Variants in STK3 observed in about 807,000 individuals in gnomAD.
STK3 encodes the protein serine/threonine kinase 3, also known as serine/threonine-protein kinase 3.
STK3 carries 41 observed loss-of-function variants against 58.0 expected under a neutral mutation model. That is an observed-to-expected ratio of 0.71 (90% CI 0.55 to 0.92). The LOEUF (loss-of-function observed/expected upper bound fraction) is 0.92. Ranked by LOEUF, STK3 falls within the 40% of genes least tolerant of loss-of-function variation. STK3 has a pLI of 0.00. For synonymous variants in STK3, 170 were observed against 191.0 expected (o/e 0.89, Z 0.91); for missense variants, 479 against 602.7 (o/e 0.79, Z 2.15).
chr8:98,812,768 G>C (rs891163872), intron 1 of STK3, among the ~76,000 whole-genome samples: 35 of 152,236 alleles, frequency 2.3e-4, no homozygotes, highest in Admixed American at 1.8e-3. Flanking sequence ...ACACCATTCT[G>C]AGCAAACTAT....
chr8:98,707,314 GGAAA>G lies in STK3; in HGVS notation c.352-7_352-4del. 2 of 1,501,308 alleles carry G rather than the reference GGAAA, an allele frequency of 1.3e-6. No homozygotes were observed. Among genetic ancestry groups the G allele is most frequent in the Non-Finnish European group, 1.8e-6 (2 of 1,119,884 alleles). 93.0% of individuals were successfully genotyped at this position (1,501,308 alleles called of 1,614,324 possible). The stretch of plus-strand genomic sequence containing the variant: ...GTTGCAATTTCATCTTCTATTAACT[GGAAA>G]GAAATATTTTTAAAACCATAATTAA... On this transcript the variant is annotated splice_polypyrimidine_tract_variant and splice_region_variant and intron_variant, in intron 4 of 10. Transcript: ENST00000419617.
Position 98,796,021 on chromosome 8 carries a change from T to C in STK3, c.27-21202A>G, listed in dbSNP as rs907196369. Among the ~76,000 whole-genome samples the C allele has an allele frequency of 3.7e-4, 56 of 152,150 alleles. 3 individuals are homozygous for C. Among genetic ancestry groups the C allele is most frequent in the Non-Finnish European group, 2.9e-5 (2 of 68,004 alleles). On this transcript the variant is annotated intron_variant, in intron 1 of 10. Transcript: ENST00000419617. ...ATCATTAAAAATAAAAAACATTTCA[T>C]GTTCATGAAGTGGAAAAATCAACAT... is the stretch of plus-strand genomic sequence containing the variant.
intron 7 of STK3, among the ~76,000 whole-genome samples, chr8:98,586,955 A>AT (rs1814673260): frequency 1.3e-5 from 2 of 151,300 alleles, no homozygotes; most frequent in African/African-American, 4.9e-5. Flanking sequence ...CCCCTTTATC[A>AT]TTTTTTATTG....
chr8:98,662,899 A>C (rs1468802655), intron 6 of STK3, among the ~76,000 whole-genome samples: 8 of 152,144 alleles, frequency 5.3e-5, no homozygotes, highest in Non-Finnish European at 1.2e-4. Flanking sequence ...TAAAGACTTA[A>C]ATGTTAGACC....
At chr8:98,624,686 C>G (rs1818579294) in intron 6 of STK3, among the ~76,000 whole-genome samples, 1 of 151,964 alleles carries the variant, frequency 6.6e-6, no homozygotes, top group South Asian at 2.1e-4. Context: ...AACCCCATCT[C>G]TACTAAAAAT....
chr8:98,619,176 CTGATCTT>C (rs1418225630), intron 6 of STK3, among the ~76,000 whole-genome samples: 1 of 150,910 alleles, frequency 6.6e-6, no homozygotes, highest in East Asian at 2.0e-4. Flanking sequence ...CTACAACTAT[CTGATCTT>C]TGACAAACCT....
chr8:98,917,544 A>G (rs1242910958), intron 1 of STK3, among the ~76,000 whole-genome samples: 1 of 152,230 alleles, frequency 6.6e-6, no homozygotes, highest in Non-Finnish European at 1.5e-5. Flanking sequence ...CACTTTTAAA[A>G]GAAACCTCAG....
At chr8:98,644,468 A>C (rs1820254418) in intron 6 of STK3, among the ~76,000 whole-genome samples, 1 of 152,178 alleles carries the variant, frequency 6.6e-6, no homozygotes, top group Admixed American at 6.5e-5. Flanking sequence ...TCTTTAGAAA[A>C]GCTTCTGAGA....
chr8:98,527,091 A>G (rs543444005), intron 9 of STK3, among the ~76,000 whole-genome samples, 174 bp from the exon 10 acceptor site: 1 of 152,336 alleles, frequency 6.6e-6, no homozygotes, highest in South Asian at 2.1e-4. Context: ...ATTAAAAAAT[A>G]CCCAGACCAA....
intron 1 of STK3, among the ~76,000 whole-genome samples, chr8:98,802,242 A>G (rs1295747834): frequency 3.3e-5 from 5 of 152,182 alleles, no homozygotes; most frequent in Non-Finnish European, 5.9e-5. Flanking sequence ...AGTTTTCTAA[A>G]TCTTGAGGGG....
chr8:98,661,565 A>C (rs1821967711), intron 6 of STK3, among the ~76,000 whole-genome samples: 1 of 152,044 alleles, frequency 6.6e-6, no homozygotes, highest in African/African-American at 2.4e-5. Flanking sequence ...TAACAACAAC[A>C]ACAAAAATCA....
chr8:98,904,563 AG>A, intron 1 of STK3: 3 of 534,792 alleles, frequency 5.6e-6, no homozygotes, highest in South Asian at 1.5e-5. Flanking sequence ...CCGCAGCCCG[AG>A]GGTTCAGTCA....
intron 1 of STK3, among the ~76,000 whole-genome samples, chr8:98,887,160 C>T (rs949725725): frequency 7.2e-5 from 11 of 152,122 alleles, no homozygotes; most frequent in Admixed American, 5.2e-4. Flanking sequence ...GCAAATGTCA[C>T]GTAATAGTTG....
At chr8:98,719,060 T>G (rs1292479837) in intron 4 of STK3, among the ~76,000 whole-genome samples, 1 of 152,182 alleles carries the variant, frequency 6.6e-6, no homozygotes, top group Non-Finnish European at 1.5e-5. Flanking sequence ...CATCTGATGT[T>G]CCCAATCTTT....
intron 3 of STK3, among the ~76,000 whole-genome samples, chr8:98,433,086 T>C (rs1818365250): frequency 1.3e-5 from 2 of 152,172 alleles, no homozygotes; most frequent in Non-Finnish European, 2.9e-5. Flanking sequence ...GTTTGTTTGT[T>C]TGTTTTTGCA....
intron 1 of STK3, among the ~76,000 whole-genome samples, chr8:98,804,204 T>C (rs1350544045): frequency 3.9e-5 from 6 of 151,970 alleles, no homozygotes; most frequent in Non-Finnish European, 7.4e-5. Flanking sequence ...GTTTCAACAT[T>C]TTGGTCAGGC....
At chr8:98,595,442 G>A (rs1025874069) in intron 7 of STK3, 7 of 152,028 alleles carry the variant, frequency 4.6e-5, no homozygotes, top group Admixed American at 3.3e-4. Flanking sequence ...TTTTGTTAAT[G>A]TGAGACATAC....
intron 2 of STK3, chr8:98,434,405 T>C (rs1818412272): frequency 6.6e-6 from 1 of 152,204 alleles, no homozygotes; most frequent in Non-Finnish European, 1.5e-5. Flanking sequence ...ACACCTCCCC[T>C]TGAGGGAAGA....
chr8:98,378,170 C>T (rs888381645), intron 2 of STK3, among the ~76,000 whole-genome samples: 10 of 152,150 alleles, frequency 6.6e-5, no homozygotes, highest in African/African-American at 2.2e-4. Context: ...CAAGAGGTTA[C>T]GGGGGAACCG....
Sources: gnomAD v4.1 joint callset for allele counts (sites outside exome capture counted in the v4.1 genomes callset) on GRCh38, gnomAD v4.1.1 for gene constraint, MANE v1.5 for transcripts, NCBI Gene and HGNC (gene_info 2026-07-23, HGNC 2026-07-21) for gene names.